Variants in IL1RAPL2 observed in about 807,000 individuals in gnomAD.
IL1RAPL2 encodes the protein X-linked interleukin-1 receptor accessory protein-like 2.
In IL1RAPL2, 3 loss-of-function variants were observed where a neutral mutation model predicts 44.1. The ratio of observed to expected loss-of-function variants is 0.07; its 90% CI spans 0.03 to 0.18. The LOEUF is 0.18. IL1RAPL2 is among the 10% of genes least tolerant of loss of function. The probability of loss-of-function intolerance (pLI) is 1.00; values close to 1 mark genes in which losing one functional copy is unlikely to be tolerated. For missense variants in IL1RAPL2, 391 were observed against 496.4 expected, an observed-to-expected ratio of 0.79 and a Z score of 2.02; for synonymous variants, 181 against 178.8, an observed-to-expected ratio of 1.01 and a Z score of -0.10.
chrX:105,187,867 G>A (rs2033602646), intron 2 of IL1RAPL2, among the ~76,000 whole-genome samples: 1 of 111,483 alleles, frequency 9.0e-6, no homozygotes, highest in African/African-American at 3.3e-5. Context: ...GATCTTAAAT[G>A]TTATCACTAC....
At position 104,894,057 on chromosome X, in the gene IL1RAPL2, G is replaced by C. The variant is rs970181247; in HGVS notation, c.82+235062G>C. Among the ~76,000 whole-genome samples, 5 of 111,423 alleles carry C rather than the reference G, an allele frequency of 4.5e-5. No individual in the cohort carries two copies. In the Admixed American group the frequency reaches 4.8e-4, roughly 11 times the overall value. On this transcript the variant is annotated intron_variant, in intron 2 of 10. Coordinates refer to ENST00000372582, the MANE Select transcript of IL1RAPL2 (RefSeq NM_017416.2). ...TCCTTCACTTATGAAGCTTGGTTTGGCTGGATATGAAATTCTGGGTTGGAA... is the reference window on the plus strand; with the variant it reads ...TCCTTCACTTATGAAGCTTGGTTTGCCTGGATATGAAATTCTGGGTTGGAA...
chrX:105,521,101 ATT>A (rs560910539), intron 6 of IL1RAPL2, among the ~76,000 whole-genome samples: 8 of 90,701 alleles, frequency 8.8e-5, no homozygotes, highest in Admixed American at 1.2e-4. Context: ...AGCCCGGCTA[ATT>A]TTTTTTTTTT....
chrX:105,144,094 GGT>G (rs762069943), intron 2 of IL1RAPL2, among the ~76,000 whole-genome samples: 22,632 of 78,994 alleles, frequency 0.29, 2,539 homozygotes, highest in East Asian at 0.52. Context: ...TCAACAGATG[GGT>G]GTGTGTGTGT....
chrX:105,510,691 G>A, intron 6 of IL1RAPL2, among the ~76,000 whole-genome samples: 1 of 111,678 alleles, frequency 9.0e-6, no homozygotes, highest in South Asian at 3.8e-4. Context: ...GTGATATGAT[G>A]TCATGTCAGA....
intron 5 of IL1RAPL2, among the ~76,000 whole-genome samples, chrX:105,359,678 T>C (rs1327348169): frequency 9.0e-6 from 1 of 110,609 alleles, no homozygotes; most frequent in African/African-American, 3.3e-5. Flanking sequence ...GGAGAGTCTA[T>C]AGGATACATT....
At chrX:105,133,219 T>C (rs1015690244) in intron 2 of IL1RAPL2, among the ~76,000 whole-genome samples, 2 of 111,942 alleles carry the variant, frequency 1.8e-5, no homozygotes, top group African/African-American at 6.5e-5. Flanking sequence ...CAAATTCTTT[T>C]TTCTGTACTG....
chrX:105,542,819 C>T (rs1277786567), intron 6 of IL1RAPL2, among the ~76,000 whole-genome samples: 1 of 105,680 alleles, frequency 9.5e-6, no homozygotes, highest in Non-Finnish European at 2.0e-5. Flanking sequence ...CTGCAAGCTC[C>T]GCCTCCCGGG....
At chrX:104,587,089 A>T (rs889060820) in intron 1 of IL1RAPL2, among the ~76,000 whole-genome samples, 1 of 111,471 alleles carries the variant, frequency 9.0e-6, no homozygotes, top group Non-Finnish European at 1.9e-5. Flanking sequence ...GGACAGGGGT[A>T]CTGAACCAGC....
chrX:105,404,781 C>T (rs1165302870), intron 5 of IL1RAPL2, among the ~76,000 whole-genome samples: 7 of 112,035 alleles, frequency 6.2e-5, no homozygotes, highest in African/African-American at 1.9e-4. Context: ...AAGCAAGGCT[C>T]TTAGTATACA....
chrX:104,632,990 T>C (rs1440683103), intron 1 of IL1RAPL2, among the ~76,000 whole-genome samples: 32 of 111,334 alleles, frequency 2.9e-4, no homozygotes, highest in African/African-American at 9.5e-4. Context: ...TCATAGATAG[T>C]TCTTATTATT....
chrX:104,883,874 C>T (rs1158526178), intron 2 of IL1RAPL2, among the ~76,000 whole-genome samples: 2 of 111,841 alleles, frequency 1.8e-5, no homozygotes, highest in Admixed American at 1.9e-4. Flanking sequence ...TTGTATCCTT[C>T]CTATTCATAT....
At chrX:105,475,529 G>A (rs2147772419) in intron 5 of IL1RAPL2, among the ~76,000 whole-genome samples, 1 of 110,723 alleles carries the variant, frequency 9.0e-6, no homozygotes, top group South Asian at 3.9e-4. Context: ...AAACCTGGAA[G>A]TATACTATCT....
chrX:105,120,526 C>T (rs2032912839), intron 2 of IL1RAPL2, among the ~76,000 whole-genome samples: 1 of 110,862 alleles, frequency 9.0e-6, no homozygotes, highest in African/African-American at 3.3e-5. Flanking sequence ...ATGTTACTGC[C>T]CTCTTCCCAA....
chrX:104,638,468 C>T (rs1929870526), intron 1 of IL1RAPL2, among the ~76,000 whole-genome samples: 1 of 111,298 alleles, frequency 9.0e-6, no homozygotes, highest in African/African-American at 3.3e-5. Context: ...TATTTGAAAG[C>T]TTTCTACTTT....
chrX:105,266,819 C>A (rs1273817811), intron 4 of IL1RAPL2, among the ~76,000 whole-genome samples: 1 of 111,637 alleles, frequency 9.0e-6, no homozygotes, highest in African/African-American at 3.3e-5. Context: ...CCTCTCTACC[C>A]CCACATGGAT....
Position 105,102,310 on chromosome X carries a change from G to A in IL1RAPL2, c.83-93165G>A, listed in dbSNP as rs2032680878. Among the ~76,000 whole-genome samples, 4 of 111,698 alleles carry A rather than the reference G, an allele frequency of 3.6e-5. No individual in the cohort carries two copies. In the South Asian group the frequency reaches 1.5e-3, roughly 41 times the overall value. On this transcript the variant is annotated intron_variant, in intron 2 of 10. Transcript: ENST00000372582. ...GGTAAATAAAGGCAGATAAAGTTAT[G>A]GCATCCAGTTGCCTCAGCTCTTGAA...
chrX:104,951,864 A>G (rs944375989), intron 2 of IL1RAPL2, among the ~76,000 whole-genome samples: 1 of 112,158 alleles, frequency 8.9e-6, no homozygotes, highest in African/African-American at 3.2e-5. Context: ...AATGTCAACT[A>G]TGTGCCAGAC....
At chrX:105,296,932 A>G (rs2034658279) in intron 5 of IL1RAPL2, among the ~76,000 whole-genome samples, 1 of 112,615 alleles carries the variant, frequency 8.9e-6, no homozygotes, top group Admixed American at 9.5e-5. Flanking sequence ...GGATATAGCA[A>G]TGATCAAAAC....
At chrX:105,411,663 G>A (rs1341318561) in intron 5 of IL1RAPL2, among the ~76,000 whole-genome samples, 5 of 111,106 alleles carry the variant, frequency 4.5e-5, no homozygotes, top group East Asian at 2.8e-4. Flanking sequence ...ACCCAAATAC[G>A]TAAAGAAAAT....
Sources: allele counts gnomAD v4.1 joint callset (sites outside exome capture counted in the v4.1 genomes callset), GRCh38; gene constraint gnomAD v4.1.1; transcripts MANE v1.5; gene names NCBI Gene and HGNC (gene_info 2026-07-23, HGNC 2026-07-21).